Variants in LRRC7 observed in about 807,000 individuals in gnomAD.
The protein encoded by LRRC7 is leucine-rich repeat-containing protein 7.
LRRC7 carries 23 observed loss-of-function variants against 175.7 expected under a neutral mutation model. The observed-to-expected ratio is 0.13, with a 90% CI of 0.09 to 0.19. The LOEUF is 0.19. Ranked by LOEUF, LRRC7 falls within the 10% of genes least tolerant of loss-of-function variation. The pLI is 1.00. For missense variants in LRRC7, 1,354 were observed against 1,904.7 expected (o/e 0.71, Z 5.38); for synonymous variants, 685 against 680.9 (o/e 1.01, Z -0.09).
chr1:69,970,457 A>C (rs765238130), intron 8 of LRRC7, among the ~76,000 whole-genome samples: 6 of 152,190 alleles, frequency 3.9e-5, no homozygotes, highest in Non-Finnish European at 8.8e-5. Flanking sequence ...ATTACAACTG[A>C]CATCACAGAA....
intron 4 of LRRC7, among the ~76,000 whole-genome samples, chr1:69,807,492 G>A (rs577723619): frequency 1.3e-5 from 2 of 152,096 alleles, no homozygotes; most frequent in South Asian, 2.1e-4. Context: ...GGCAGGCCTG[G>A]TGGTGACAAA....
intron 13 of LRRC7, chr1:70,013,976 A>G (rs1452398899): frequency 2.0e-5 from 3 of 152,042 alleles, no homozygotes; most frequent in South Asian, 4.1e-4. Context: ...GAACTTCAAA[A>G]CTTCATTTAC....
chr1:69,569,716 G>A (rs1645656464), intron 1 of LRRC7, among the ~76,000 whole-genome samples: 1 of 151,830 alleles, frequency 6.6e-6, no homozygotes, highest in Non-Finnish European at 1.5e-5. Context: ...ACCCGCCTCC[G>A]CCCTCTACTC....
intron 23 of LRRC7, among the ~76,000 whole-genome samples, chr1:70,068,663 A>G (rs1662154769): frequency 6.6e-6 from 1 of 152,060 alleles, no homozygotes; most frequent in Non-Finnish European, 1.5e-5. Context: ...TCATAAAATA[A>G]AGAAGTATTC....
rs184959653 is a variant in LRRC7, at chr1:69,920,185, A to T, written c.648-11322A>T. 74 of 175,488 alleles carry T rather than the reference A, an allele frequency of 4.2e-4. No homozygotes were observed. In the East Asian group the frequency reaches 0.01, roughly 25 times the overall value. The allele number at this position is 175,488 out of a possible 1,614,324, so 10.9% of individuals were successfully genotyped here. A position where few individuals can be genotyped will look rare whatever the true frequency, so the allele number is the denominator to read the frequency against. ...CCACCAGGTCCTGGAGGCAGATGCG[A>T]GGGCCCAGAGTTGTTTGTAGTTAGG... On this transcript the variant is annotated intron_variant, in intron 7 of 26. Coordinates refer to ENST00000651989, the MANE Select transcript of LRRC7 (RefSeq NM_001370785.2).
intron 24 of LRRC7, among the ~76,000 whole-genome samples, chr1:70,081,652 C>T (rs534753934): frequency 6.6e-6 from 1 of 152,180 alleles, no homozygotes; most frequent in African/African-American, 2.4e-5. Flanking sequence ...AAGAGTGAAA[C>T]GATGGAAAAG....
intron 7 of LRRC7, among the ~76,000 whole-genome samples, chr1:69,862,803 G>C (rs1010447126): frequency 6.6e-6 from 1 of 151,870 alleles, no homozygotes; most frequent in African/African-American, 2.4e-5. Flanking sequence ...CCATCAACCC[G>C]TCACCTACTA....
At position 70,131,704 on chromosome 1, in the gene LRRC7, C is replaced by A. The variant is rs1666670264; in HGVS notation, c.*9817C>A. Among the ~76,000 whole-genome samples, 1 of 152,170 alleles carries A rather than the reference C, an allele frequency of 6.6e-6. No homozygotes were observed. Among genetic ancestry groups the A allele is most frequent in the Non-Finnish European group, 1.5e-5 (1 of 68,030 alleles). On this transcript the variant is annotated 3_prime_UTR_variant, in exon 27 of 27. Transcript: ENST00000651989. The stretch of plus-strand genomic sequence containing the variant: ...ATCTTGAAGGAAACAGCCACCATTG[C>A]TGTCTTTGATAGCATGATGCCTCAA...
At position 70,137,526 on chromosome 1, in the gene LRRC7, A is replaced by C. The variant is rs994546547; in HGVS notation, c.*15639A>C. Among the ~76,000 whole-genome samples, 6 of 152,240 alleles carry C rather than the reference A, an allele frequency of 3.9e-5. No homozygotes were observed. Among genetic ancestry groups the C allele is most frequent in the Admixed American group, 1.3e-4 (2 of 15,288 alleles). Reference sequence around the variant, plus strand: ...TGTACCTACATACAAGGAAAACATTAGTCTTTACTGTTAGCAAACACTCCA... The same window carrying C: ...TGTACCTACATACAAGGAAAACATTCGTCTTTACTGTTAGCAAACACTCCA... On this transcript the variant is annotated 3_prime_UTR_variant, in exon 27 of 27. Transcript: ENST00000651989.
At chr1:70,022,989 T>A in intron 16 of LRRC7, 137 bp from the exon 17 acceptor site, 1 of 1,129,208 alleles carries the variant, frequency 8.9e-7, no homozygotes. Context: ...ATACATGGAT[T>A]TAAAACTAAC....
At chr1:69,620,683 A>C (rs769784927) in intron 1 of LRRC7, among the ~76,000 whole-genome samples, 5 of 152,298 alleles carry the variant, frequency 3.3e-5, no homozygotes, top group Non-Finnish European at 5.9e-5. Context: ...TTTTCATGTG[A>C]CTGTAATTGG....
At chr1:69,841,006 A>C (rs1390374660) in intron 7 of LRRC7, among the ~76,000 whole-genome samples, 1 of 151,994 alleles carries the variant, frequency 6.6e-6, no homozygotes, top group African/African-American at 2.4e-5. Context: ...TTGTTTGCTT[A>C]TTTATTCCTT....
At chr1:69,891,354 G>A (rs918286303) in intron 7 of LRRC7, among the ~76,000 whole-genome samples, 5 of 152,192 alleles carry the variant, frequency 3.3e-5, no homozygotes, top group African/African-American at 9.7e-5. Flanking sequence ...AATATACACA[G>A]CATTTATCAA....
intron 11 of LRRC7, among the ~76,000 whole-genome samples, chr1:70,004,997 C>T (rs1373475392): frequency 2.0e-5 from 3 of 151,836 alleles, no homozygotes; most frequent in South Asian, 2.1e-4. Context: ...AACTTTTACA[C>T]GCTTCAGAAA....
chr1:69,764,378 T>C (rs1671371303), intron 3 of LRRC7, among the ~76,000 whole-genome samples: 1 of 151,524 alleles, frequency 6.6e-6, no homozygotes, highest in Admixed American at 6.6e-5. Context: ...AAAAAAGAGA[T>C]TATAATTAAT....
intron 3 of LRRC7, among the ~76,000 whole-genome samples, chr1:69,760,696 T>A (rs767072794): frequency 6.6e-6 from 1 of 151,902 alleles, no homozygotes; most frequent in African/African-American, 2.4e-5. Context: ...ATCAATAGTT[T>A]ATGTTTAGAA....
At chr1:70,086,107 A>G (rs556073792) in intron 24 of LRRC7, among the ~76,000 whole-genome samples, 1 of 152,014 alleles carries the variant, frequency 6.6e-6, no homozygotes, top group South Asian at 2.1e-4. Flanking sequence ...TTTAGCCTTT[A>G]TTCTTATTTA....
intron 10 of LRRC7, among the ~76,000 whole-genome samples, chr1:69,988,560 G>A (rs1174223738): frequency 6.6e-6 from 1 of 152,182 alleles, no homozygotes; most frequent in East Asian, 1.9e-4. Context: ...TTCTTACCGT[G>A]AAATAAGAAA....
At chr1:70,074,457 TAGAG>T (rs1433678325) in intron 23 of LRRC7, among the ~76,000 whole-genome samples, 14 of 152,192 alleles carry the variant, frequency 9.2e-5, no homozygotes, top group Non-Finnish European at 1.3e-4. Flanking sequence ...ATAGATACAA[TAGAG>T]AAATACAGAT....
Sources: allele counts gnomAD v4.1 joint callset (sites outside exome capture counted in the v4.1 genomes callset), GRCh38; gene constraint gnomAD v4.1.1; transcripts MANE v1.5; gene names NCBI Gene and HGNC (gene_info 2026-07-23, HGNC 2026-07-21).